DNAJC6: variants seen among roughly 807,000 people sequenced by gnomAD.
The protein encoded by DNAJC6 is auxilin.
In DNAJC6, 34 loss-of-function variants were observed where a neutral mutation model predicts 110.0. The observed-to-expected ratio is 0.31, with a 90% CI of 0.24 to 0.41. The LOEUF (loss-of-function observed/expected upper bound fraction) is 0.41, where lower values mean the gene tolerates loss of function less well. Ranked by LOEUF, DNAJC6 falls within the 10% of genes least tolerant of loss-of-function variation. The probability of loss-of-function intolerance (pLI) is 1.00; values close to 1 mark genes in which losing one functional copy is unlikely to be tolerated. For missense variants in DNAJC6, 1,031 were observed against 1,207.8 expected (o/e 0.85, Z 2.17); for synonymous variants, 406 against 437.2 (o/e 0.93, Z 0.89).
intron 1 of DNAJC6, among the ~76,000 whole-genome samples, chr1:65,348,343 G>T (rs1330944518): frequency 6.6e-6 from 1 of 152,112 alleles, no homozygotes; most frequent in African/African-American, 2.4e-5. Flanking sequence ...TAGTATTGTT[G>T]TTCAAATGTT....
chr1:65,372,485 A>T (rs1287868974), intron 4 of DNAJC6, among the ~76,000 whole-genome samples: 1 of 152,166 alleles, frequency 6.6e-6, no homozygotes, highest in Non-Finnish European at 1.5e-5. Flanking sequence ...CTCTCTTCTC[A>T]TGGAGCTTGG....
intron 15 of DNAJC6, among the ~76,000 whole-genome samples, chr1:65,403,170 A>G (rs1422355467): frequency 6.6e-6 from 1 of 152,238 alleles, no homozygotes; most frequent in Non-Finnish European, 1.5e-5. Flanking sequence ...GGGCCTTACT[A>G]TGTGCCAGGC....
chr1:65,279,240 C>A, intron 1 of DNAJC6: 2 of 791,886 alleles, frequency 2.5e-6, no homozygotes, highest in South Asian at 5.7e-5. Context: ...GAGATTGAAC[C>A]CAGCTGTGAC....
chr1:65,368,772 CCCCTT>C (rs1371268049), intron 4 of DNAJC6, among the ~76,000 whole-genome samples: 14 of 114,066 alleles, frequency 1.2e-4, no homozygotes, highest in South Asian at 6.3e-4. Context: ...TCCCTCCCCT[CCCCTT>C]CCCTTCCCTT....
intron 17 of DNAJC6, 65 bp downstream of exon 17, chr1:65,408,848 G>A: frequency 6.4e-7 from 1 of 1,563,650 alleles, no homozygotes; most frequent in Admixed American, 1.9e-5. Flanking sequence ...AAAGTCATGT[G>A]TATGGAGCTA....
intron 1 of DNAJC6, among the ~76,000 whole-genome samples, chr1:65,344,299 G>A (rs980091320): frequency 6.6e-6 from 1 of 152,162 alleles, no homozygotes; most frequent in African/African-American, 2.4e-5. Flanking sequence ...AGCACTTCTT[G>A]TAGATACATG....
chr1:65,338,518 G>C (rs960089725), intron 1 of DNAJC6, among the ~76,000 whole-genome samples: 1 of 151,996 alleles, frequency 6.6e-6, no homozygotes, highest in Non-Finnish European at 1.5e-5. Flanking sequence ...CTTTTGAGGG[G>C]TTGCTTTAAA....
At chr1:65,411,537 T>C (rs1035530486) in intron 18 of DNAJC6, 111 bp downstream of exon 18, 3 of 1,030,978 alleles carry the variant, frequency 2.9e-6, no homozygotes, top group Admixed American at 2.9e-5. Context: ...TTTAATAAAA[T>C]TAAGTCAATG....
rs59903187 is a variant in DNAJC6 at position 65,324,429 on chromosome 1, C to T, written c.193+14491C>T. ...GGCTGGAGTGCAGTGGTGTGATCTC[C>T]GCTCACTGCAACCTCCACCTCCCGG... On this transcript the variant is annotated intron_variant, in intron 1 of 18. Transcript: ENST00000371069. Among the ~76,000 whole-genome samples, 479 of 151,840 alleles carry T rather than the reference C, an allele frequency of 3.2e-3. 1 individual carries two copies. Among genetic ancestry groups the T allele is most frequent in the African/African-American group, 0.011 (455 of 41,384 alleles).
In DNAJC6 at chr1:65,391,178, A is replaced by C. The variant is rs9436285; in HGVS notation, c.1469-1253A>C. Among the ~76,000 whole-genome samples, 403 of 152,324 alleles carry C rather than the reference A, an allele frequency of 2.6e-3. 2 individuals carry two copies. Among genetic ancestry groups the C allele is most frequent in the African/African-American group, 9.3e-3 (385 of 41,572 alleles). ...TTAATATTTCTGCAGTAGAACATAT[A>C]AACAATAGCCCTAAGTGAGATAAAT... On this transcript the variant is annotated intron_variant, in intron 11 of 18. Transcript: ENST00000371069.
At chr1:65,361,189 C>T (rs1373824670) in intron 1 of DNAJC6, among the ~76,000 whole-genome samples, 1 of 152,196 alleles carries the variant, frequency 6.6e-6, no homozygotes, top group Non-Finnish European at 1.5e-5. Flanking sequence ...CTTCCACTCT[C>T]CCGCTATATG....
At chr1:65,412,541 G>A (rs1646137922) in intron 18 of DNAJC6, among the ~76,000 whole-genome samples, 1 of 152,180 alleles carries the variant, frequency 6.6e-6, no homozygotes, top group Non-Finnish European at 1.5e-5. Context: ...TCCACAAACT[G>A]TATTCCCCAT....
At chr1:65,342,884 A>G (rs1645402459) in intron 1 of DNAJC6, among the ~76,000 whole-genome samples, 1 of 152,210 alleles carries the variant, frequency 6.6e-6, no homozygotes, top group Non-Finnish European at 1.5e-5. Context: ...GGTAAGTGTC[A>G]TGCTGAATAC....
chr1:65,364,921 G>C, intron 2 of DNAJC6, 136 bp downstream of exon 2: 1 of 1,256,680 alleles, frequency 8.0e-7, no homozygotes, highest in Admixed American at 2.2e-5. Context: ...ACTGAGAAAT[G>C]TCATTGAAGA....
At chr1:65,352,729 T>C (rs1450990567) in intron 1 of DNAJC6, among the ~76,000 whole-genome samples, 1 of 152,222 alleles carries the variant, frequency 6.6e-6, no homozygotes, top group Non-Finnish European at 1.5e-5. Flanking sequence ...TTGATCTTTC[T>C]CTCAGAAGTT....
chr1:65,350,083 T>A (rs1194342480), intron 1 of DNAJC6, among the ~76,000 whole-genome samples: 1 of 152,148 alleles, frequency 6.6e-6, no homozygotes, highest in East Asian at 1.9e-4. Context: ...TTGAGTTGAA[T>A]TTTTTTCCAC....
At position 65,412,977 on chromosome 1, in the gene DNAJC6, T is replaced by C. The variant is rs758842270; in HGVS notation, c.2865T>C (p.Asn955=). The change falls in exon 19 of 19, where the codon AAT becomes AAC. Residue 955 remains asparagine (N), a synonymous_variant. Coordinates refer to ENST00000371069, the MANE Select transcript of DNAJC6 (RefSeq NM_001256864.2). ...QYAKMIFMEL[N]DAWSEFENQG... ...CAAAGATGATTTTCATGGAGCTCAA[T>C]GATGCCTGGTCTGAATTTGAAAACC... The C allele has an allele frequency of 2.5e-6, 4 of 1,614,030 alleles. No homozygotes were observed. Among genetic ancestry groups the C allele is most frequent in the Non-Finnish European group, 3.4e-6 (4 of 1,180,016 alleles).
intron 14 of DNAJC6, 73 bp downstream of exon 14, chr1:65,398,954 T>G: frequency 6.8e-7 from 1 of 1,467,896 alleles, no homozygotes; most frequent in Non-Finnish European, 9.5e-7. Flanking sequence ...ATGAAGTGAG[T>G]ACTCACAGAG....
At chr1:65,331,325 T>C (rs1396282069) in intron 1 of DNAJC6, among the ~76,000 whole-genome samples, 3 of 152,192 alleles carry the variant, frequency 2.0e-5, no homozygotes, top group African/African-American at 7.2e-5. Context: ...ATCAGAATCT[T>C]TGGTGTGGAG....
Sources: gnomAD v4.1 joint callset for allele counts (sites outside exome capture counted in the v4.1 genomes callset) on GRCh38, gnomAD v4.1.1 for gene constraint, MANE v1.5 for transcripts, NCBI Gene and HGNC (gene_info 2026-07-23, HGNC 2026-07-21) for gene names.